The following PLEKHB2 variants were observed in gnomAD, a reference collection of about 807,000 sequenced individuals.
The protein encoded by PLEKHB2 is pleckstrin homology domain containing B2.
A neutral mutation model predicts 36.5 loss-of-function variants in PLEKHB2; 31 were observed. That is an observed-to-expected ratio of 0.85 (90% CI 0.64 to 1.15). The LOEUF (loss-of-function observed/expected upper bound fraction) is 1.15. Among genes scored for constraint, PLEKHB2 ranks in the 50% most tolerant of loss-of-function variants. The pLI, the probability that PLEKHB2 is intolerant of heterozygous loss-of-function variation, is 0.00. For missense variants in PLEKHB2, 262 were observed against 295.3 expected, an observed-to-expected ratio of 0.89 and a Z score of 0.83; for synonymous variants, 119 against 112.0, an observed-to-expected ratio of 1.06 and a Z score of -0.39.
intron 2 of PLEKHB2, among the ~76,000 whole-genome samples, chr2:131,123,169 G>A (rs1696694773): frequency 6.6e-6 from 1 of 152,198 alleles, no homozygotes; most frequent in Non-Finnish European, 1.5e-5. Context: ...TCAGAAGTGT[G>A]TATTCAGACG....
intron 1 of PLEKHB2, among the ~76,000 whole-genome samples, chr2:131,117,451 G>C (rs1320046390): frequency 6.6e-6 from 1 of 152,106 alleles, no homozygotes; most frequent in East Asian, 1.9e-4. Flanking sequence ...TAAAGAAATT[G>C]ACCACAGAAG....
chr2:131,122,883 C>G (rs1041176350), intron 2 of PLEKHB2, among the ~76,000 whole-genome samples: 3 of 152,188 alleles, frequency 2.0e-5, no homozygotes, highest in Admixed American at 2.0e-4. Flanking sequence ...TTTGCGGTCT[C>G]AACGTCCCCA....
intron 1 of PLEKHB2, chr2:131,107,828 A>C (rs558828673): frequency 2.6e-5 from 4 of 152,078 alleles, no homozygotes; most frequent in Non-Finnish European, 5.9e-5. Flanking sequence ...ATGCTCGGCT[A>C]ATTTTTTGTA....
At chr2:131,130,606 C>T in intron 4 of PLEKHB2, 115 bp from the exon 5 acceptor site, 1 of 800,428 alleles carries the variant, frequency 1.2e-6, no homozygotes, top group South Asian at 1.5e-5. Flanking sequence ...TGGGGCAAAG[C>T]CTGAAGACTT....
intron 7 of PLEKHB2, among the ~76,000 whole-genome samples, chr2:131,145,077 C>G (rs1573641932): frequency 6.6e-6 from 1 of 152,198 alleles, no homozygotes; most frequent in African/African-American, 2.4e-5. Flanking sequence ...TCATCATCCT[C>G]TGTTGTATTT....
intron 3 of PLEKHB2, 72 bp downstream of exon 3, chr2:131,125,977 C>G: frequency 6.9e-7 from 1 of 1,443,646 alleles, no homozygotes; most frequent in Non-Finnish European, 9.6e-7. Context: ...TGGTCCTCTT[C>G]CTTCCCTGTT....
intron 1 of PLEKHB2, chr2:131,107,842 T>C (rs1173283581): frequency 6.6e-6 from 1 of 152,218 alleles, no homozygotes; most frequent in African/African-American, 2.4e-5. Flanking sequence ...TTTTGTATTT[T>C]TAATAGAGAT....
At chr2:131,118,168 T>TTCCTCATG (rs1159388895) in intron 1 of PLEKHB2, among the ~76,000 whole-genome samples, 5 of 152,156 alleles carry the variant, frequency 3.3e-5, no homozygotes, top group Non-Finnish European at 7.3e-5. Context: ...AGAAGGTGGC[T>TTCCTCATG]GCCAGCACAG....
chr2:131,108,509 C>G (rs1411261328), intron 1 of PLEKHB2, among the ~76,000 whole-genome samples: 1 of 152,196 alleles, frequency 6.6e-6, no homozygotes, highest in Non-Finnish European at 1.5e-5. Flanking sequence ...ATTTGAGAAG[C>G]AGCTTGATGT....
At chr2:131,139,635 A>T (rs1698585274) in intron 6 of PLEKHB2, among the ~76,000 whole-genome samples, 1 of 152,156 alleles carries the variant, frequency 6.6e-6, no homozygotes, top group Non-Finnish European at 1.5e-5. Flanking sequence ...GTTTCTCGCC[A>T]TGTCTTTTCA....
intron 4 of PLEKHB2, among the ~76,000 whole-genome samples, chr2:131,128,873 A>G (rs921003596): frequency 6.6e-6 from 1 of 152,238 alleles, no homozygotes. Context: ...TGGCAGACCA[A>G]AGTCCCTACT....
At chr2:131,106,077 A>G (rs780009404) in intron 1 of PLEKHB2, among the ~76,000 whole-genome samples, 50 of 151,836 alleles carry the variant, frequency 3.3e-4, no homozygotes, top group Non-Finnish European at 6.6e-4. Context: ...ATCTCTCTTC[A>G]TGTTTGATTC....
At chr2:131,119,358 C>G (rs1053698167) in intron 1 of PLEKHB2, among the ~76,000 whole-genome samples, 3 of 152,302 alleles carry the variant, frequency 2.0e-5, no homozygotes, top group African/African-American at 4.8e-5. Context: ...AGAATCGCCT[C>G]ATTTTGTTTC....
At chr2:131,142,439 GTAT>G (rs1011764816) in intron 7 of PLEKHB2, among the ~76,000 whole-genome samples, 9 of 151,236 alleles carry the variant, frequency 6.0e-5, no homozygotes, top group Non-Finnish European at 1.3e-4. Flanking sequence ...ATTGGGTGAT[GTAT>G]TATTAAACCT....
intron 7 of PLEKHB2, chr2:131,144,539 G>A: frequency 2.0e-6 from 1 of 495,488 alleles, no homozygotes; most frequent in Non-Finnish European, 3.2e-6. Context: ...TGATTTGATG[G>A]TAATTTGTAA....
In PLEKHB2 at chr2:131,132,994, A is replaced by G. The variant is rs1697871312; in HGVS notation, c.423+3A>G. The G allele has an allele frequency of 6.2e-7, 1 of 1,609,718 alleles. No individual in the cohort carries two copies. Among genetic ancestry groups the G allele is most frequent in the Admixed American group, 1.7e-5 (1 of 59,982 alleles). On this transcript the variant is annotated splice_donor_region_variant and intron_variant, in intron 6 of 7. Transcript: ENST00000693505. ...CCTATGCTGCACCGGCCCCTGAGGT[A>G]GGGAGAACCCTGAGCCTCCAGGTGA... is the stretch of plus-strand genomic sequence containing the variant.
chr2:131,139,009 A>G (rs1018529211), intron 6 of PLEKHB2, among the ~76,000 whole-genome samples: 1 of 152,180 alleles, frequency 6.6e-6, no homozygotes, highest in Non-Finnish European at 1.5e-5. Flanking sequence ...CAGGCTCTTC[A>G]CACTTGGCGT....
chr2:131,136,210 CCTCCT>C (rs540742763), intron 6 of PLEKHB2, among the ~76,000 whole-genome samples: 1 of 138,060 alleles, frequency 7.2e-6, no homozygotes, highest in Admixed American at 7.5e-5. Context: ...CGTCCCCTCT[CCTCCT>C]CTCCTCTCCT....
intron 3 of PLEKHB2, among the ~76,000 whole-genome samples, 179 bp downstream of exon 3, chr2:131,126,084 T>C (rs1326179885): frequency 4.6e-5 from 7 of 152,076 alleles, no homozygotes; most frequent in Non-Finnish European, 1.5e-5. Flanking sequence ...GGTCGGGAAA[T>C]ATCAGTGTTC....
Sources: allele counts gnomAD v4.1 joint callset (sites outside exome capture counted in the v4.1 genomes callset), GRCh38; gene constraint gnomAD v4.1.1; transcripts MANE v1.5; gene names NCBI Gene and HGNC (gene_info 2026-07-23, HGNC 2026-07-21).